The following ADAMTSL3 variants were observed in gnomAD, a reference collection of about 807,000 sequenced individuals.
The protein encoded by ADAMTSL3 is ADAMTS-like protein 3.
A neutral mutation model predicts 201.7 loss-of-function variants in ADAMTSL3; 128 were observed. The observed-to-expected ratio is 0.63, with a 90% CI of 0.55 to 0.73. The LOEUF (loss-of-function observed/expected upper bound fraction) is 0.73, where lower values mean the gene tolerates loss of function less well. Ranked by LOEUF, ADAMTSL3 falls within the 30% of genes least tolerant of loss-of-function variation. The pLI, the probability that ADAMTSL3 is intolerant of heterozygous loss-of-function variation, is 0.00. For missense variants in ADAMTSL3, 1,990 were observed against 2,119.6 expected (o/e 0.94, Z 1.20); for synonymous variants, 738 against 748.4 (o/e 0.99, Z 0.23).
rs2063193526 is a variant in ADAMTSL3, at chr15:83,782,789, G to A, written c.317+9139G>A. Among the ~76,000 whole-genome samples the A allele has an allele frequency of 4.0e-5, 6 of 151,742 alleles. No homozygotes were observed. In the South Asian group the frequency reaches 1.2e-3, roughly 31 times the overall value. On this transcript the variant is annotated intron_variant, in intron 4 of 29. Coordinates refer to ENST00000286744, the MANE Select transcript of ADAMTSL3 (RefSeq NM_207517.3). Reference sequence around the variant, plus strand: ...CTAATGAGTACTAGACTTAATACTTGGGTGACAAAATAATCTGTCCAACAA... The same window carrying A: ...CTAATGAGTACTAGACTTAATACTTAGGTGACAAAATAATCTGTCCAACAA...
At chr15:83,972,797 C>T (rs917943827) in intron 20 of ADAMTSL3, among the ~76,000 whole-genome samples, 15 of 152,134 alleles carry the variant, frequency 9.9e-5, no homozygotes, top group African/African-American at 3.6e-4. Flanking sequence ...GCTGTAGCCT[C>T]GCCTCACTCC....
intron 23 of ADAMTSL3, among the ~76,000 whole-genome samples, chr15:83,997,137 AAG>A (rs2067702019): frequency 1.3e-5 from 2 of 152,208 alleles, no homozygotes; most frequent in South Asian, 4.1e-4. Context: ...TGTTTTTGCA[AAG>A]AGAGTTTCAA....
At chr15:83,846,183 A>C (rs1023691409) in intron 7 of ADAMTSL3, among the ~76,000 whole-genome samples, 1 of 152,342 alleles carries the variant, frequency 6.6e-6, no homozygotes, top group Admixed American at 6.5e-5. Flanking sequence ...TGGGAAAATA[A>C]TAGTAATAAT....
chr15:83,839,418 C>T (rs1293830661), intron 7 of ADAMTSL3, among the ~76,000 whole-genome samples: 3 of 152,128 alleles, frequency 2.0e-5, no homozygotes, highest in African/African-American at 7.2e-5. Context: ...GACAGAACGG[C>T]ATTTGGAGTC....
chr15:83,704,598 T>C (rs2061822629), intron 3 of ADAMTSL3, 90 bp downstream of exon 3: 1 of 1,532,304 alleles, frequency 6.5e-7, no homozygotes. Context: ...AGTAATTATA[T>C]TTTCCTCTTT....
intron 7 of ADAMTSL3, among the ~76,000 whole-genome samples, chr15:83,850,736 G>A (rs1031896435): frequency 3.3e-5 from 5 of 152,102 alleles, no homozygotes; most frequent in African/African-American, 4.8e-5. Context: ...TCATCCAAAA[G>A]GCACTTTTAA....
At chr15:83,729,563 C>T (rs1256031634) in intron 3 of ADAMTSL3, among the ~76,000 whole-genome samples, 2 of 151,826 alleles carry the variant, frequency 1.3e-5, no homozygotes, top group Non-Finnish European at 2.9e-5. Context: ...TTCTATTTGT[C>T]AATTGCATTT....
In ADAMTSL3 at chr15:83,954,898, T is replaced by C. The variant is rs76276981; in HGVS notation, c.2490+11816T>C. On this transcript the variant is annotated intron_variant, in intron 19 of 29. Transcript: ENST00000286744. ...CCACCTGGAGCTGGGATTGGGGTGA[T>C]GCAAGCACCCCTATGGCCACCAACA... Among the ~76,000 whole-genome samples the C allele has an allele frequency of 5.6e-3, 857 of 152,320 alleles. 11 individuals carry two copies. Among genetic ancestry groups the C allele is most frequent in the African/African-American group, 0.02 (827 of 41,572 alleles).
intron 23 of ADAMTSL3, among the ~76,000 whole-genome samples, chr15:84,008,865 A>AGTTG (rs2067949781): frequency 6.6e-6 from 1 of 152,108 alleles, no homozygotes; most frequent in African/African-American, 2.4e-5. Context: ...AGTGAATGAC[A>AGTTG]AGGCAGTTAT....
intron 15 of ADAMTSL3, among the ~76,000 whole-genome samples, chr15:83,903,138 C>T (rs954993265): frequency 1.3e-5 from 2 of 151,990 alleles, no homozygotes; most frequent in African/African-American, 4.8e-5. Flanking sequence ...CAGAATCACC[C>T]GTGGTGCTTT....
At chr15:83,703,452 A>G (rs542907412) in intron 2 of ADAMTSL3, among the ~76,000 whole-genome samples, 126 of 152,258 alleles carry the variant, frequency 8.3e-4, no homozygotes, top group Non-Finnish European at 1.2e-3. Context: ...TTGTACTCCT[A>G]TAATTCCCAT....
chr15:83,837,122 A>T (rs1162986866), intron 6 of ADAMTSL3, among the ~76,000 whole-genome samples: 1 of 152,146 alleles, frequency 6.6e-6, no homozygotes, highest in Non-Finnish European at 1.5e-5. Context: ...TAGCAGTATA[A>T]ACACGTATTT....
At chr15:83,709,639 C>T (rs1302186723) in intron 3 of ADAMTSL3, among the ~76,000 whole-genome samples, 2 of 152,194 alleles carry the variant, frequency 1.3e-5, no homozygotes, top group East Asian at 1.9e-4. Flanking sequence ...TGCTTCAACT[C>T]ACTGAAGATT....
At chr15:83,678,842 A>G (rs1005115067) in intron 2 of ADAMTSL3, among the ~76,000 whole-genome samples, 1 of 145,790 alleles carries the variant, frequency 6.9e-6, no homozygotes, top group African/African-American at 2.5e-5. Flanking sequence ...ATAAATATAT[A>G]TATAAAATAT....
intron 20 of ADAMTSL3, among the ~76,000 whole-genome samples, chr15:83,971,386 T>A (rs1463274984): frequency 6.6e-6 from 1 of 151,424 alleles, no homozygotes; most frequent in Non-Finnish European, 1.5e-5. Context: ...TTAAACCCCG[T>A]CTCTACTAAA....
chr15:83,991,627 A>C (rs1182073120), intron 23 of ADAMTSL3, among the ~76,000 whole-genome samples: 2 of 152,218 alleles, frequency 1.3e-5, no homozygotes, highest in Admixed American at 6.5e-5. Context: ...CAAAAGCTAC[A>C]CTTGGCAAAG....
At chr15:83,661,416 A>G (rs1453757621) in intron 2 of ADAMTSL3, among the ~76,000 whole-genome samples, 1 of 151,926 alleles carries the variant, frequency 6.6e-6, no homozygotes, top group East Asian at 1.9e-4. Flanking sequence ...ACCCATGAGC[A>G]TGGAATGTTC....
chr15:83,728,243 G>T (rs1446707480), intron 3 of ADAMTSL3, among the ~76,000 whole-genome samples: 7 of 149,466 alleles, frequency 4.7e-5, no homozygotes, highest in Admixed American at 4.7e-4. Flanking sequence ...CAGTCTATGT[G>T]TGTCTTTATA....
At chr15:83,833,409 C>A (rs1029714791) in intron 6 of ADAMTSL3, among the ~76,000 whole-genome samples, 37 of 152,022 alleles carry the variant, frequency 2.4e-4, no homozygotes, top group African/African-American at 8.2e-4. Context: ...TATAAGGGTA[C>A]TAATCCTATT....
Sources: gnomAD v4.1 joint callset for allele counts (sites outside exome capture counted in the v4.1 genomes callset) on GRCh38, gnomAD v4.1.1 for gene constraint, MANE v1.5 for transcripts, NCBI Gene and HGNC (gene_info 2026-07-23, HGNC 2026-07-21) for gene names.